The following SCNN1B variants were observed in gnomAD, a reference collection of about 807,000 sequenced individuals.
SCNN1B encodes the protein sodium channel epithelial 1 subunit beta.
A neutral mutation model predicts 65.3 loss-of-function variants in SCNN1B; 46 were observed. The observed-to-expected ratio is 0.70, with a 90% CI of 0.56 to 0.90. SCNN1B has a LOEUF of 0.90. Among genes scored for constraint, SCNN1B ranks in the 40% least tolerant of loss-of-function variants. The pLI is 0.00. For synonymous variants in SCNN1B, 349 were observed against 330.6 expected, an observed-to-expected ratio of 1.06 and a Z score of -0.60; for missense variants, 751 against 830.5, an observed-to-expected ratio of 0.90 and a Z score of 1.18.
chr16:23,365,351 AAAAGAGAG>A (rs1223169246), intron 4 of SCNN1B, among the ~76,000 whole-genome samples: 1 of 150,138 alleles, frequency 6.7e-6, no homozygotes, highest in African/African-American at 2.5e-5. Context: ...GGAGGAAAAG[AAAAGAGAG>A]AAAGAGAGAA....
chr16:23,286,865 G>A (rs1348323150), intron 2 of SCNN1B, among the ~76,000 whole-genome samples: 1 of 152,154 alleles, frequency 6.6e-6, no homozygotes, highest in Non-Finnish European at 1.5e-5. Flanking sequence ...GCTGAGGCAG[G>A]CTATTGCTTG....
chr16:23,364,244 T>C (rs549857289), intron 4 of SCNN1B, among the ~76,000 whole-genome samples: 17 of 152,316 alleles, frequency 1.1e-4, no homozygotes, highest in African/African-American at 3.8e-4. Flanking sequence ...CTATTACTAT[T>C]AGTAATAAAG....
chr16:23,314,928 C>A (rs190110824), intron 1 of SCNN1B, among the ~76,000 whole-genome samples: 2 of 152,358 alleles, frequency 1.3e-5, no homozygotes, highest in East Asian at 3.9e-4. Flanking sequence ...GCCAGCCCAA[C>A]TCTGGCACAA....
intron 2 of SCNN1B, among the ~76,000 whole-genome samples, chr16:23,286,341 C>T (rs1013982453): frequency 8.5e-5 from 13 of 152,200 alleles, no homozygotes; most frequent in East Asian, 3.8e-4. Context: ...ATTTAACCTC[C>T]GCCTCCTGGG....
chr16:23,304,076 G>A lies in SCNN1B; in HGVS notation c.-9+1639G>A, dbSNP rs1961142756. 4 of 1,535,856 alleles carry A rather than the reference G, an allele frequency of 2.6e-6. No individual in the cohort carries two copies. The East Asian group carries it at 9.8e-5, about 38-fold the overall frequency. ...CCGCCGTGGATAATGCCTACCGATG[G>A]GAATTTAGGTGACAAAAATTTTCAG... On this transcript the variant is annotated intron_variant, in intron 1 of 12. Transcript: ENST00000343070.
chr16:23,316,023 T>A (rs1046841386), intron 1 of SCNN1B, among the ~76,000 whole-genome samples: 6 of 68,580 alleles, frequency 8.7e-5, no homozygotes, highest in Non-Finnish European at 1.5e-4. Context: ...ATCCCCATCA[T>A]CACCATCACC....
intron 7 of SCNN1B, among the ~76,000 whole-genome samples, chr16:23,374,242 G>C (rs1162201838): frequency 7.5e-6 from 1 of 133,628 alleles, no homozygotes; most frequent in East Asian, 2.4e-4. Flanking sequence ...CCCCAGCCTG[G>C]GCAACAGAGT....
chr16:23,352,861 G>A lies in SCNN1B; in HGVS notation c.372G>A (p.Glu124=), dbSNP rs758735806. 6.2e-7 allele frequency: 1 copy of A among 1,614,148 alleles called. No homozygotes were observed. Among genetic ancestry groups the A allele is most frequent in the Admixed American group, 1.7e-5 (1 of 60,022 alleles). Reference sequence around the variant, plus strand: ...ATGAGCTGATGGAAGCTGTCCTGGAGAGAATCCTGGCTCCTGAGCTAAGCC... The same window carrying A: ...ATGAGCTGATGGAAGCTGTCCTGGAAAGAATCCTGGCTCCTGAGCTAAGCC... ...DLDELMEAVL[E]RILAPELSHA... The change falls in exon 3 of 13, where the codon GAG becomes GAA. Residue 124 remains glutamate (E), a synonymous_variant. Transcript: ENST00000343070.
At chr16:23,356,768 T>G (rs1031502972) in intron 4 of SCNN1B, among the ~76,000 whole-genome samples, 8 of 152,154 alleles carry the variant, frequency 5.3e-5, no homozygotes, top group African/African-American at 1.9e-4. Context: ...TTCTTGCAAT[T>G]GACCCACAGA....
intron 1 of SCNN1B, among the ~76,000 whole-genome samples, chr16:23,305,744 C>T (rs1961203895): frequency 6.7e-6 from 1 of 149,550 alleles, no homozygotes; most frequent in East Asian, 2.0e-4. Flanking sequence ...GAGACCCTGC[C>T]TCAAAAAAGG....
chr16:23,368,096 G>T, intron 5 of SCNN1B, 137 bp downstream of exon 5: 1 of 777,934 alleles, frequency 1.3e-6, no homozygotes, highest in East Asian at 2.6e-5. Flanking sequence ...TGCTACCGAG[G>T]CTCTACTGTG....
chr16:23,294,549 C>T (rs953842577), intron 2 of SCNN1B, among the ~76,000 whole-genome samples: 12 of 151,190 alleles, frequency 7.9e-5, no homozygotes, highest in Middle Eastern at 3.4e-3. Flanking sequence ...TGCTACTCTT[C>T]AAACACACCC....
chr16:23,352,451 G>A (rs553236488), intron 2 of SCNN1B, among the ~76,000 whole-genome samples: 1 of 152,194 alleles, frequency 6.6e-6, no homozygotes, highest in Non-Finnish European at 1.5e-5. Context: ...CATACGGGCG[G>A]CTTTCCGCAT....
chr16:23,326,048 C>T (rs1189960692), intron 1 of SCNN1B, among the ~76,000 whole-genome samples: 1 of 152,016 alleles, frequency 6.6e-6, no homozygotes, highest in Non-Finnish European at 1.5e-5. Flanking sequence ...GCACTCCAGC[C>T]TGGGCAACAG....
At chr16:23,329,797 G>A (rs1006109040) in intron 1 of SCNN1B, among the ~76,000 whole-genome samples, 2 of 152,142 alleles carry the variant, frequency 1.3e-5, no homozygotes, top group South Asian at 4.1e-4. Context: ...CTAACCAGGC[G>A]ATAGAAGGCT....
Position 23,378,720 on chromosome 16 carries a change from C to G in SCNN1B, c.1419C>G (p.His473Gln). The change falls in exon 11 of 13, where the codon CAC becomes CAG. Residue 473 changes from histidine to glutamine, a missense_variant. By Grantham distance (24) the His-to-Gln change is conservative. Coordinates refer to ENST00000343070, the MANE Select transcript of SCNN1B (RefSeq NM_000336.3). ...TTGGGTTCCAGGACTGGATTTTCCA[C>G]GTCTTGTCTCAGGAGCGGGACCAAA... The part of the protein sequence containing the change: ...PSEASEDWIF[H>Q]VLSQERDQST... 2.5e-6 allele frequency: 4 copies of G among 1,614,136 alleles called. No individual in the cohort carries two copies. The highest frequency in any genetic ancestry group is 3.4e-6 in the Non-Finnish European group (4 of 1,180,018).
rs142020116 is a variant in SCNN1B, at chr16:23,330,020, C to T, written c.-8-18572C>T. Among the ~76,000 whole-genome samples the T allele has an allele frequency of 4.9e-3, 735 of 148,884 alleles. 9 individuals carry two copies. The highest frequency in any genetic ancestry group is 0.017 in the African/African-American group (666 of 40,350). ...CCAGCCTGTGTCACAGAGTGAGACC[C>T]TGTCTCAAAAAAAAAAAAAGAAAAA... On this transcript the variant is annotated intron_variant, in intron 1 of 12. Coordinates refer to ENST00000343070, the MANE Select transcript of SCNN1B (RefSeq NM_000336.3).
At chr16:23,296,233 G>A (rs1276777910) in intron 2 of SCNN1B, among the ~76,000 whole-genome samples, 1 of 152,126 alleles carries the variant, frequency 6.6e-6, no homozygotes, top group Non-Finnish European at 1.5e-5. Context: ...AGGGAGGTGG[G>A]GGGCGCCACG....
At chr16:23,368,056 A>AG (rs3214467) in intron 5 of SCNN1B, 97 bp downstream of exon 5, 208,802 of 959,144 alleles carry the variant, frequency 0.22, 25,206 homozygotes, top group East Asian at 0.34. Context: ...GGTGGGACTG[A>AG]GGGGGGACCA....
Sources: gnomAD v4.1 joint callset for allele counts (sites outside exome capture counted in the v4.1 genomes callset) on GRCh38, gnomAD v4.1.1 for gene constraint, MANE v1.5 for transcripts, NCBI Gene and HGNC (gene_info 2026-07-23, HGNC 2026-07-21) for gene names.